DYNC2H1: variants seen among roughly 807,000 people sequenced by gnomAD.
The protein encoded by DYNC2H1 is dynein cytoplasmic 2 heavy chain 1.
Under a neutral mutation model 570.0 loss-of-function variants are expected in DYNC2H1, and 410 were observed. That is an observed-to-expected ratio of 0.72 (90% CI 0.66 to 0.78). The LOEUF is 0.78. DYNC2H1 is among the 30% of genes least tolerant of loss of function. DYNC2H1 has a pLI of 0.00. For synonymous variants in DYNC2H1, 1,688 were observed against 1,677.6 expected (o/e 1.01, Z -0.15); for missense variants, 4,865 against 5,046.4 (o/e 0.96, Z 1.09).
chr11:103,366,976 C>CA (rs1187089682), intron 83 of DYNC2H1, among the ~76,000 whole-genome samples: 15 of 151,902 alleles, frequency 9.9e-5, no homozygotes, highest in Admixed American at 9.2e-4. Flanking sequence ...AATAACGTAA[C>CA]AAAAAATAGG....
rs756486707 is a variant in DYNC2H1, at chr11:103,181,006, A to G, written c.6348-751A>G. Among the ~76,000 whole-genome samples, 7 of 151,534 alleles carry G rather than the reference A, an allele frequency of 4.6e-5. No homozygotes were observed. Among genetic ancestry groups the G allele is most frequent in the Non-Finnish European group, 7.4e-5 (5 of 67,620 alleles). On this transcript the variant is annotated intron_variant, in intron 39 of 88. Coordinates refer to ENST00000375735, the MANE Select transcript of DYNC2H1 (RefSeq NM_001377.3). This position sits in a 1 kb window ranked among gnomAD's most constrained non-coding sequence, Gnocchi z 5.0. ...ATCGTGAGGTCTTGTCAATTCTAAA[A>G]TAATATGAATTATTTTTACTATAGT... is the stretch of plus-strand genomic sequence containing the variant.
chr11:103,428,871 A>T (rs1248941836), intron 84 of DYNC2H1, among the ~76,000 whole-genome samples: 1 of 152,088 alleles, frequency 6.6e-6, no homozygotes, highest in East Asian at 1.9e-4. Context: ...CATTTTGTTT[A>T]TCCATTCATC....
In DYNC2H1 at chr11:103,326,899, AG is replaced by A. The variant is rs757924220; in HGVS notation, c.12039+2910del. Among the ~76,000 whole-genome samples the A allele has an allele frequency of 9.2e-5, 14 of 152,092 alleles. No individual in the cohort carries two copies. Among genetic ancestry groups the A allele is most frequent in the Middle Eastern group, 3.2e-3 (1 of 316 alleles). Reference sequence around the variant, plus strand: ...CTACTACAGCTGTCCTGCACACAAAAGCTCCTGAGCTCCACAGCAGCTGAAG... The same window carrying A: ...CTACTACAGCTGTCCTGCACACAAAACTCCTGAGCTCCACAGCAGCTGAAG... On this transcript the variant is annotated intron_variant, in intron 82 of 88. Coordinates refer to ENST00000375735, the MANE Select transcript of DYNC2H1 (RefSeq NM_001377.3). The surrounding 1 kb of genome is among the most constrained non-coding windows in gnomAD (Gnocchi z 6.1).
intron 83 of DYNC2H1, among the ~76,000 whole-genome samples, chr11:103,373,841 T>A (rs1253132994): frequency 6.6e-6 from 1 of 152,202 alleles, no homozygotes; most frequent in Non-Finnish European, 1.5e-5. Flanking sequence ...TCTAATAATA[T>A]GTGCTTTTTA....
At chr11:103,376,804 A>AT (rs1026382869) in intron 83 of DYNC2H1, among the ~76,000 whole-genome samples, 2 of 152,094 alleles carry the variant, frequency 1.3e-5, no homozygotes, top group African/African-American at 4.8e-5. Flanking sequence ...TGCTTTTATC[A>AT]TTTTTTGTAA....
intron 40 of DYNC2H1, 130 bp from the exon 41 acceptor site, chr11:103,184,766 A>G: frequency 1.2e-6 from 1 of 806,632 alleles, no homozygotes; most frequent in African/African-American, 1.7e-5. Flanking sequence ...CAAACTTTCT[A>G]CAGTTTGAAT....
chr11:103,117,270 A>G (rs189560985), intron 5 of DYNC2H1, among the ~76,000 whole-genome samples: 1 of 146,850 alleles, frequency 6.8e-6, no homozygotes, highest in Non-Finnish European at 1.5e-5. Context: ...ATATATATAT[A>G]TTTTTTAATA....
Position 103,185,436 on chromosome 11 carries a change from A to G in DYNC2H1, c.6633+385A>G, listed in dbSNP as rs1740255352. ...TTAGGAATTGGGAATATTAGGATGA[A>G]TTAATTATTAATAAATATTTTCTTT... is the stretch of plus-strand genomic sequence containing the variant. On this transcript the variant is annotated intron_variant, in intron 41 of 88. Transcript: ENST00000375735. The surrounding 1 kb of genome is among the most constrained non-coding windows in gnomAD (Gnocchi z 4.5). Among the ~76,000 whole-genome samples, 1 of 151,854 alleles carries G rather than the reference A, an allele frequency of 6.6e-6. No individual in the cohort carries two copies. Among genetic ancestry groups the G allele is most frequent in the Admixed American group, 6.6e-5 (1 of 15,178 alleles).
At chr11:103,132,648 G>GT (rs1491087131) in intron 13 of DYNC2H1, among the ~76,000 whole-genome samples, 6 of 46,214 alleles carry the variant, frequency 1.3e-4, no homozygotes, top group African/African-American at 2.1e-4. Flanking sequence ...AGAGGGTTGG[G>GT]GGTGTGTGTG....
chr11:103,361,721 A>C (rs1940649919), intron 83 of DYNC2H1, among the ~76,000 whole-genome samples: 1 of 152,184 alleles, frequency 6.6e-6, no homozygotes, highest in East Asian at 1.9e-4. Flanking sequence ...CCCTTGAGTA[A>C]TGTCAAAATG....
At chr11:103,404,130 G>A (rs892613176) in intron 84 of DYNC2H1, 3 of 151,918 alleles carry the variant, frequency 2.0e-5, no homozygotes, top group African/African-American at 7.3e-5. Flanking sequence ...AATAGGGGAT[G>A]TAGCACCTTG....
At chr11:103,178,185 A>G (rs1481343356) in intron 38 of DYNC2H1, among the ~76,000 whole-genome samples, 1 of 152,090 alleles carries the variant, frequency 6.6e-6, no homozygotes, top group East Asian at 1.9e-4. Context: ...AACAGTATTA[A>G]CTCATTAGTT....
chr11:103,399,986 G>A (rs1473746869), intron 84 of DYNC2H1, 114 bp downstream of exon 84: 3 of 824,216 alleles, frequency 3.6e-6, no homozygotes, highest in East Asian at 5.4e-5. Flanking sequence ...GAGTCACACT[G>A]GCTTAAGCCA....
At chr11:103,230,135 A>G (rs1409832252) in intron 59 of DYNC2H1, among the ~76,000 whole-genome samples, 1 of 152,156 alleles carries the variant, frequency 6.6e-6, no homozygotes, top group Non-Finnish European at 1.5e-5. Context: ...ACTCTCCTCT[A>G]GAGTTCAGTG....
chr11:103,444,943 G>C (rs1944377029), intron 85 of DYNC2H1, among the ~76,000 whole-genome samples: 1 of 152,186 alleles, frequency 6.6e-6, no homozygotes, highest in Non-Finnish European at 1.5e-5. Context: ...TGGGAGGTCA[G>C]TAGAAGATTG....
chr11:103,381,826 T>G (rs189780335), intron 83 of DYNC2H1, among the ~76,000 whole-genome samples: 2 of 152,368 alleles, frequency 1.3e-5, no homozygotes, highest in Admixed American at 1.3e-4. Context: ...CTATATTTTT[T>G]GGTAAAATAT....
Position 103,143,425 on chromosome 11 carries a change from C to G in DYNC2H1, c.2702+30C>G, listed in dbSNP as rs775517314. The G allele has an allele frequency of 6.4e-6, 10 of 1,556,758 alleles. No homozygotes were observed. In the African/African-American group the frequency reaches 1.4e-4, roughly 21 times the overall value. On this transcript the variant is annotated intron_variant, in intron 18 of 88. Transcript: ENST00000375735. ...TGGAGGTTAATGTAGTACTTACGTA[C>G]CATAATAATTTTTTGACATGGACAG...
intron 1 of DYNC2H1, among the ~76,000 whole-genome samples, chr11:103,112,314 A>T (rs1354499293): frequency 6.6e-6 from 1 of 152,226 alleles, no homozygotes; most frequent in Non-Finnish European, 1.5e-5. Context: ...CAGGCTGATC[A>T]TTTAGGACAC....
At chr11:103,393,491 G>T (rs917628863) in intron 83 of DYNC2H1, among the ~76,000 whole-genome samples, 4 of 151,984 alleles carry the variant, frequency 2.6e-5, no homozygotes, top group Non-Finnish European at 5.9e-5. Context: ...AAAATTATTT[G>T]CTTTAAAATT....
Sources: gnomAD v4.1 joint callset for allele counts (sites outside exome capture counted in the v4.1 genomes callset) on GRCh38, gnomAD v4.1.1 for gene constraint, Gnocchi (gnomAD v3.1) non-coding constraint, MANE v1.5 for transcripts, NCBI Gene and HGNC (gene_info 2026-07-23, HGNC 2026-07-21) for gene names.